Variants in BRINP3 observed in about 807,000 individuals in gnomAD.
The protein encoded by BRINP3 is BMP/retinoic acid-inducible neural-specific protein 3.
BRINP3 carries 19 observed loss-of-function variants against 71.0 expected under a neutral mutation model. That is an observed-to-expected ratio of 0.27 (90% CI 0.19 to 0.39). BRINP3 has a LOEUF of 0.39. Ranked by LOEUF, BRINP3 falls within the 10% of genes least tolerant of loss-of-function variation. The pLI, the probability that BRINP3 is intolerant of heterozygous loss-of-function variation, is 1.00. For missense variants in BRINP3, 959 were observed against 940.8 expected (o/e 1.02, Z -0.25); for synonymous variants, 380 against 337.7 (o/e 1.13, Z -1.37).
intron 2 of BRINP3, among the ~76,000 whole-genome samples, chr1:190,313,438 C>T (rs1665667715): frequency 6.6e-6 from 1 of 151,988 alleles, no homozygotes; most frequent in South Asian, 2.1e-4. Flanking sequence ...ATGGTAAAAG[C>T]ATTAGCAGGA....
intron 2 of BRINP3, among the ~76,000 whole-genome samples, chr1:190,388,656 C>A (rs930760102): frequency 6.6e-6 from 1 of 151,688 alleles, no homozygotes; most frequent in Non-Finnish European, 1.5e-5. Context: ...TTTGGACTTC[C>A]AGACTCCAGA....
At chr1:190,225,941 C>A (rs1430435715) in intron 6 of BRINP3, 141 bp downstream of exon 6, 1 of 613,532 alleles carries the variant, frequency 1.6e-6, no homozygotes, top group Non-Finnish European at 2.8e-6. Flanking sequence ...GTAGTAAAAG[C>A]AATGAAAATG....
chr1:190,186,315 C>T (rs559773273), intron 6 of BRINP3, among the ~76,000 whole-genome samples: 8 of 151,940 alleles, frequency 5.3e-5, no homozygotes, highest in South Asian at 2.1e-4. Context: ...TGCAATGAGC[C>T]GAGATGGCAC....
intron 2 of BRINP3, among the ~76,000 whole-genome samples, chr1:190,338,193 G>T (rs1012787888): frequency 6.6e-6 from 1 of 152,028 alleles, no homozygotes; most frequent in Non-Finnish European, 1.5e-5. Flanking sequence ...AATGCAATGC[G>T]AATGACATCT....
intron 7 of BRINP3, among the ~76,000 whole-genome samples, chr1:190,121,791 A>G (rs1192903784): frequency 6.6e-6 from 1 of 152,192 alleles, no homozygotes; most frequent in African/African-American, 2.4e-5. Flanking sequence ...ACTGCCTATT[A>G]CATTAGAACC....
At chr1:190,279,372 C>T (rs1242962954) in intron 3 of BRINP3, among the ~76,000 whole-genome samples, 2 of 151,764 alleles carry the variant, frequency 1.3e-5, no homozygotes, top group East Asian at 3.9e-4. Context: ...CAGTTTTCAA[C>T]ATTTATACTA....
chr1:190,307,264 T>G (rs993016607), intron 2 of BRINP3, among the ~76,000 whole-genome samples: 8 of 118,696 alleles, frequency 6.7e-5, no homozygotes, highest in South Asian at 6.3e-4. Flanking sequence ...CATTGTTTTT[T>G]TTTTTTTTTT....
At chr1:190,382,479 G>T (rs1258020032) in intron 2 of BRINP3, among the ~76,000 whole-genome samples, 1 of 152,044 alleles carries the variant, frequency 6.6e-6, no homozygotes, top group Non-Finnish European at 1.5e-5. Flanking sequence ...AAAATCCGAA[G>T]TATAAATTTT....
chr1:190,317,238 G>T (rs755173614), intron 2 of BRINP3, among the ~76,000 whole-genome samples: 76 of 150,396 alleles, frequency 5.1e-4, no homozygotes, highest in Non-Finnish European at 9.2e-4. Flanking sequence ...ACTCTCAGCA[G>T]CAGCTGATGT....
At chr1:190,232,043 G>A (rs917539832) in intron 5 of BRINP3, among the ~76,000 whole-genome samples, 1 of 151,818 alleles carries the variant, frequency 6.6e-6, no homozygotes, top group Non-Finnish European at 1.5e-5. Flanking sequence ...TTCCAAAATG[G>A]GCCAAACGCT....
chr1:190,102,225 C>G (rs1047664894), intron 7 of BRINP3, among the ~76,000 whole-genome samples: 2 of 152,110 alleles, frequency 1.3e-5, no homozygotes, highest in African/African-American at 4.8e-5. Flanking sequence ...AAAATAAAGA[C>G]TAAGCAAATT....
chr1:190,122,957 G>T (rs1407038043), intron 7 of BRINP3, among the ~76,000 whole-genome samples: 2 of 151,870 alleles, frequency 1.3e-5, no homozygotes, highest in East Asian at 1.9e-4. Flanking sequence ...AGGGAAACTG[G>T]GATCACTTTT....
At chr1:190,428,833 A>G (rs1051797792) in intron 2 of BRINP3, among the ~76,000 whole-genome samples, 1 of 152,124 alleles carries the variant, frequency 6.6e-6, no homozygotes, top group African/African-American at 2.4e-5. Flanking sequence ...ACAAATGCAT[A>G]TTAAACTTAT....
intron 4 of BRINP3, among the ~76,000 whole-genome samples, chr1:190,236,482 T>G (rs1336688391): frequency 6.6e-6 from 1 of 151,978 alleles, no homozygotes; most frequent in Non-Finnish European, 1.5e-5. Context: ...AGTGTGTGTT[T>G]AATTTGTGTC....
chr1:190,284,956 A>G (rs1029668993), intron 2 of BRINP3, among the ~76,000 whole-genome samples: 3 of 152,256 alleles, frequency 2.0e-5, no homozygotes, highest in South Asian at 2.1e-4. Context: ...GTGTATATCC[A>G]AAAGAATAAA....
intron 4 of BRINP3, among the ~76,000 whole-genome samples, chr1:190,250,379 G>T (rs2102811795): frequency 6.6e-6 from 1 of 152,036 alleles, no homozygotes; most frequent in Non-Finnish European, 1.5e-5. Context: ...AATGTTAAGG[G>T]GGAAAATATG....
intron 1 of BRINP3, 120 bp downstream of exon 1, chr1:190,477,328 T>C (rs922997981): frequency 6.6e-6 from 1 of 152,102 alleles, no homozygotes; most frequent in Non-Finnish European, 1.5e-5. Flanking sequence ...AATATGGCCA[T>C]ATGGATCTTT....
chr1:190,365,833 T>TAC (rs1386301754), intron 2 of BRINP3, among the ~76,000 whole-genome samples: 2 of 135,456 alleles, frequency 1.5e-5, no homozygotes, highest in African/African-American at 2.7e-5. Context: ...TATATATATA[T>TAC]ATACACACAC....
At chr1:190,362,836 G>C (rs1669236271) in intron 2 of BRINP3, among the ~76,000 whole-genome samples, 1 of 152,166 alleles carries the variant, frequency 6.6e-6, no homozygotes, top group Non-Finnish European at 1.5e-5. Flanking sequence ...ACGTGGAACT[G>C]TGAGTCCATT....
Sources: gnomAD v4.1 joint callset for allele counts (sites outside exome capture counted in the v4.1 genomes callset) on GRCh38, gnomAD v4.1.1 for gene constraint, MANE v1.5 for transcripts, NCBI Gene and HGNC (gene_info 2026-07-23, HGNC 2026-07-21) for gene names.